GRIK4: variants seen among roughly 807,000 people sequenced by gnomAD.
GRIK4 encodes glutamate ionotropic receptor kainate type subunit 4.
GRIK4 carries 40 observed loss-of-function variants against 104.9 expected under a neutral mutation model. The observed-to-expected ratio is 0.38, with a 90% CI of 0.30 to 0.50. GRIK4 has a LOEUF of 0.50. Among genes scored for constraint, GRIK4 ranks in the 20% least tolerant of loss-of-function variants. GRIK4 has a pLI of 0.93. For synonymous variants in GRIK4, 485 were observed against 524.9 expected, an observed-to-expected ratio of 0.92 and a Z score of 1.04; for missense variants, 1,047 against 1,308.1, an observed-to-expected ratio of 0.80 and a Z score of 3.08.
chr11:120,818,258 TGTTCAAAC>T (rs1953012731), intron 5 of GRIK4, among the ~76,000 whole-genome samples: 1 of 152,176 alleles, frequency 6.6e-6, no homozygotes, highest in Non-Finnish European at 1.5e-5. Flanking sequence ...TGGTCAGAGG[TGTTCAAAC>T]GTTCAAACCA....
intron 8 of GRIK4, among the ~76,000 whole-genome samples, chr11:120,853,619 C>T (rs965304935): frequency 6.6e-6 from 1 of 152,212 alleles, no homozygotes; most frequent in African/African-American, 2.4e-5. Flanking sequence ...TAAATTCTAG[C>T]TTGATTGACA....
chr11:120,954,086 G>T (rs1334409258), intron 15 of GRIK4, among the ~76,000 whole-genome samples: 1 of 152,072 alleles, frequency 6.6e-6, no homozygotes, highest in Non-Finnish European at 1.5e-5. Flanking sequence ...ATTGATGGGG[G>T]CACTTGGGGA....
chr11:120,713,356 C>T lies in GRIK4; in HGVS notation c.82+52956C>T, dbSNP rs373899123. 2.0e-5 allele frequency among the ~76,000 whole-genome samples: 3 copies of T among 152,276 alleles called. No individual in the cohort carries two copies. The South Asian group carries it at 6.2e-4, about 32-fold the overall frequency. ...CCTCTGCAGATTTTATCAGCATGCT[C>T]TGTGGGTTGTCATTCCTGGCACCTG... On this transcript the variant is annotated intron_variant, in intron 3 of 20. Coordinates refer to ENST00000527524, the MANE Select transcript of GRIK4 (RefSeq NM_014619.5).
intron 3 of GRIK4, among the ~76,000 whole-genome samples, chr11:120,675,313 G>T (rs968830120): frequency 2.0e-5 from 3 of 152,180 alleles, no homozygotes; most frequent in Admixed American, 2.0e-4. Flanking sequence ...TGCAGCCTGG[G>T]TGGGACTCCC....
At chr11:120,816,349 C>G (rs912927834) in intron 5 of GRIK4, among the ~76,000 whole-genome samples, 2 of 151,750 alleles carry the variant, frequency 1.3e-5, no homozygotes, top group African/African-American at 4.8e-5. Context: ...GCCTTCCAGC[C>G]AGGTCCTTAG....
intron 3 of GRIK4, among the ~76,000 whole-genome samples, chr11:120,731,068 C>A (rs1951118881): frequency 6.6e-6 from 1 of 152,006 alleles, no homozygotes; most frequent in African/African-American, 2.4e-5. Flanking sequence ...TTTCTCTTGT[C>A]TGATTGCTCT....
chr11:120,886,813 G>A (rs1479722275), intron 11 of GRIK4, among the ~76,000 whole-genome samples: 1 of 152,214 alleles, frequency 6.6e-6, no homozygotes, highest in Admixed American at 6.5e-5. Flanking sequence ...TTCTCACAAA[G>A]AGCAAGGACT....
At chr11:120,569,162 C>T (rs866623619) in intron 1 of GRIK4, among the ~76,000 whole-genome samples, 29 of 152,262 alleles carry the variant, frequency 1.9e-4, no homozygotes, top group South Asian at 4.2e-4. Context: ...CAGCTCCAGG[C>T]GGGGCAACTG....
At chr11:120,748,283 C>T (rs1159444152) in intron 3 of GRIK4, among the ~76,000 whole-genome samples, 2 of 152,122 alleles carry the variant, frequency 1.3e-5, no homozygotes, top group African/African-American at 4.8e-5. Flanking sequence ...CCATCTCCTT[C>T]CACCCCCTGC....
intron 8 of GRIK4, chr11:120,859,230 A>T (rs1954197304): frequency 6.6e-6 from 1 of 152,178 alleles, no homozygotes; most frequent in South Asian, 2.1e-4. Context: ...GTCTTTCAGT[A>T]GCTGTCGTAT....
chr11:120,548,704 C>T (rs1948110260), intron 1 of GRIK4, among the ~76,000 whole-genome samples: 1 of 152,144 alleles, frequency 6.6e-6, no homozygotes, highest in South Asian at 2.1e-4. Flanking sequence ...ATGACAGTTC[C>T]AGAGCAAACA....
intron 9 of GRIK4, among the ~76,000 whole-genome samples, chr11:120,866,825 C>T (rs1050672361): frequency 1.3e-5 from 2 of 152,232 alleles, no homozygotes; most frequent in Admixed American, 1.3e-4. Flanking sequence ...GACGAGTGTT[C>T]TTTCTTGCTG....
intron 3 of GRIK4, among the ~76,000 whole-genome samples, chr11:120,731,925 T>A (rs1591843135): frequency 1.3e-5 from 2 of 152,152 alleles, no homozygotes; most frequent in East Asian, 3.8e-4. Context: ...TCTGATTTGT[T>A]TGTTTGGATC....
rs112032914 is a variant in GRIK4 at position 120,887,545 on chromosome 11, T to C, written c.1165-10987T>C. 2.7e-4 allele frequency among the ~76,000 whole-genome samples: 41 copies of C among 152,328 alleles called. 1 individual carries two copies. Among genetic ancestry groups the C allele is most frequent in the African/African-American group, 9.6e-4 (40 of 41,580 alleles). ...TAACTAAAGATAAAAAGAAATGACT[T>C]GCCCAAAAGAACTTTGTAATTCAAT... On this transcript the variant is annotated intron_variant, in intron 11 of 20. Coordinates refer to ENST00000527524, the MANE Select transcript of GRIK4 (RefSeq NM_014619.5).
chr11:120,710,516 G>GC (rs536143715), intron 3 of GRIK4, among the ~76,000 whole-genome samples: 3 of 152,218 alleles, frequency 2.0e-5, no homozygotes, highest in East Asian at 1.9e-4. Context: ...GGGCATAACG[G>GC]CCCCCCCATT....
At position 120,759,699 on chromosome 11, in the gene GRIK4, A is replaced by G. The variant is rs995261440; in HGVS notation, c.83-42994A>G. Among the ~76,000 whole-genome samples, 3 of 152,144 alleles carry G rather than the reference A, an allele frequency of 2.0e-5. No homozygotes were observed. In the South Asian group the frequency reaches 6.2e-4, roughly 31 times the overall value. ...AACAAAACAAACCAAAATACTGGTA[A>G]GGGAAATGGGATTACTGTGATTGAC... On this transcript the variant is annotated intron_variant, in intron 3 of 20. Transcript: ENST00000527524.
intron 7 of GRIK4, 45 bp downstream of exon 7, chr11:120,832,075 T>G: frequency 2.3e-6 from 3 of 1,311,196 alleles, no homozygotes; most frequent in Non-Finnish European, 3.2e-6. Context: ...AGCTCCACCC[T>G]CCCCCCTCCT....
chr11:120,778,601 C>T (rs761795906), intron 3 of GRIK4, among the ~76,000 whole-genome samples: 18 of 152,306 alleles, frequency 1.2e-4, no homozygotes, highest in South Asian at 6.2e-4. Context: ...AAAAGCTGAC[C>T]TCATTACCAA....
chr11:120,880,848 C>T (rs1954950790), intron 11 of GRIK4, among the ~76,000 whole-genome samples: 1 of 152,180 alleles, frequency 6.6e-6, no homozygotes, highest in South Asian at 2.1e-4. Flanking sequence ...CATTCACTTA[C>T]TCTTTCATGC....
Sources: gnomAD v4.1 joint callset for allele counts (sites outside exome capture counted in the v4.1 genomes callset) on GRCh38, gnomAD v4.1.1 for gene constraint, MANE v1.5 for transcripts, NCBI Gene and HGNC (gene_info 2026-07-23, HGNC 2026-07-21) for gene names.